Variants in CHN1 observed in about 807,000 individuals in gnomAD.
CHN1 encodes the protein N-chimaerin.
CHN1 carries 37 observed loss-of-function variants against 59.5 expected under a neutral mutation model. The ratio of observed to expected loss-of-function variants is 0.62; its 90% CI spans 0.48 to 0.82. CHN1 has a LOEUF of 0.82. Ranked by LOEUF, CHN1 falls within the 40% of genes least tolerant of loss-of-function variation. CHN1 has a pLI of 0.00. For synonymous variants in CHN1, 206 were observed against 200.4 expected (o/e 1.03, Z -0.24); for missense variants, 469 against 571.0 (o/e 0.82, Z 1.82).
chr2:174,829,305 G>A (rs1305098357), intron 7 of CHN1, among the ~76,000 whole-genome samples: 4 of 152,310 alleles, frequency 2.6e-5, no homozygotes, highest in South Asian at 4.1e-4. Flanking sequence ...AAAGGACAGG[G>A]TGGGAAAGGG....
chr2:174,828,380 T>C (rs548636667), intron 7 of CHN1, among the ~76,000 whole-genome samples: 3 of 152,224 alleles, frequency 2.0e-5, no homozygotes, highest in Non-Finnish European at 4.4e-5. Flanking sequence ...CGTGCGTCGT[T>C]ATGCTTTATC....
chr2:174,918,247 A>T (rs1176794316), intron 4 of CHN1, among the ~76,000 whole-genome samples: 1 of 152,192 alleles, frequency 6.6e-6, no homozygotes, highest in Non-Finnish European at 1.5e-5. Context: ...ATGTACACAA[A>T]AACACAAATA....
intron 3 of CHN1, among the ~76,000 whole-genome samples, chr2:174,940,862 T>C (rs546022620): frequency 6.6e-6 from 1 of 152,340 alleles, no homozygotes; most frequent in Admixed American, 6.5e-5. Context: ...TTTCTTCCAA[T>C]GGTTTTAACA....
intron 7 of CHN1, among the ~76,000 whole-genome samples, chr2:174,844,334 G>GGCTTTCACCTCAGTGAGT (rs1686426252): frequency 6.6e-6 from 1 of 152,086 alleles, no homozygotes; most frequent in Non-Finnish European, 1.5e-5. Flanking sequence ...TGGTTTATTT[G>GGCTTTCACCTCAGTGAGT]GCTTTCACCT....
chr2:174,846,869 A>T lies in CHN1; in HGVS notation c.627+11T>A. On this transcript the variant is annotated intron_variant, in intron 7 of 12. Coordinates refer to ENST00000409900, the MANE Select transcript of CHN1 (RefSeq NM_001822.7). ...TGCATTTCTTAAAAGACTAAAAGCA[A>T]ATATTCTTACCTTGAAATTGTGAAT... 6.5e-7 allele frequency: 1 copy of T among 1,544,906 alleles called. No individual in the cohort carries two copies. Among genetic ancestry groups the T allele is most frequent in the Non-Finnish European group, 8.7e-7 (1 of 1,143,110 alleles).
intron 5 of CHN1, among the ~76,000 whole-genome samples, chr2:174,888,731 G>C (rs1687962199): frequency 6.6e-6 from 1 of 152,188 alleles, no homozygotes; most frequent in Admixed American, 6.5e-5. Flanking sequence ...TCTGGGTGAT[G>C]GGGGAGAGCA....
intron 6 of CHN1, among the ~76,000 whole-genome samples, chr2:174,862,688 T>G (rs1393941527): frequency 1.3e-5 from 2 of 152,194 alleles, no homozygotes; most frequent in Admixed American, 6.5e-5. Flanking sequence ...GGCTTTTTGT[T>G]TGTTTTCATT....
intron 5 of CHN1, among the ~76,000 whole-genome samples, chr2:174,890,980 C>A (rs1247487727): frequency 1.2e-4 from 17 of 146,040 alleles, no homozygotes; most frequent in African/African-American, 3.0e-4. Context: ...ACTAAAAATA[C>A]AAAAAAAAAA....
chr2:174,933,065 T>C (rs993344098), intron 3 of CHN1, among the ~76,000 whole-genome samples: 5 of 152,100 alleles, frequency 3.3e-5, no homozygotes, highest in Non-Finnish European at 7.4e-5. Context: ...GCTGTGGTAA[T>C]AGAAGGTTGG....
At chr2:174,929,292 C>T (rs1445512491) in intron 3 of CHN1, among the ~76,000 whole-genome samples, 1 of 151,952 alleles carries the variant, frequency 6.6e-6, no homozygotes, top group Non-Finnish European at 1.5e-5. Flanking sequence ...TAATAACTTG[C>T]GAAGGCCAGA....
intron 1 of CHN1, among the ~76,000 whole-genome samples, chr2:174,971,282 C>A (rs1445056316): frequency 6.6e-6 from 1 of 152,176 alleles, no homozygotes; most frequent in Non-Finnish European, 1.5e-5. Flanking sequence ...CGTGCCACTG[C>A]ACTCCAGCCT....
At chr2:174,802,717 C>T (rs1391681987) in intron 11 of CHN1, among the ~76,000 whole-genome samples, 1 of 152,150 alleles carries the variant, frequency 6.6e-6, no homozygotes, top group Non-Finnish European at 1.5e-5. Context: ...CCTGCTTCTA[C>T]TCAAAGGTCA....
At chr2:174,824,878 G>A (rs934524810) in intron 7 of CHN1, among the ~76,000 whole-genome samples, 41 of 152,150 alleles carry the variant, frequency 2.7e-4, no homozygotes, top group African/African-American at 9.4e-4. Flanking sequence ...CCAAAGTGCT[G>A]GGATTACAGG....
At chr2:174,880,835 G>A (rs944184908) in intron 5 of CHN1, among the ~76,000 whole-genome samples, 3 of 152,092 alleles carry the variant, frequency 2.0e-5, no homozygotes, top group Non-Finnish European at 4.4e-5. Flanking sequence ...ATCACCTGAG[G>A]TCGGGAGTTT....
intron 6 of CHN1, among the ~76,000 whole-genome samples, chr2:174,857,113 C>T (rs1686924429): frequency 1.3e-5 from 2 of 152,150 alleles, no homozygotes; most frequent in Non-Finnish European, 2.9e-5. Context: ...AGCACACCTA[C>T]ACTGCAAACA....
At chr2:174,847,510 G>T (rs1686566435) in intron 6 of CHN1, 3 of 1,207,656 alleles carry the variant, frequency 2.5e-6, no homozygotes, top group Non-Finnish European at 3.1e-6. Context: ...CTCTATTCAA[G>T]ATATTAATGT....
chr2:174,885,858 T>C (rs1687879005), intron 5 of CHN1, among the ~76,000 whole-genome samples: 1 of 152,214 alleles, frequency 6.6e-6, no homozygotes, highest in African/African-American at 2.4e-5. Context: ...CAATACTAAA[T>C]ACTGTGTCCC....
At chr2:174,952,102 A>G in intron 2 of CHN1, 62 bp downstream of exon 2, 1 of 1,007,738 alleles carries the variant, frequency 9.9e-7, no homozygotes, top group Non-Finnish European at 1.4e-6. Context: ...TCTATCTAAT[A>G]ATCCCATATT....
chr2:174,914,889 T>TA (rs1688803271), intron 5 of CHN1, among the ~76,000 whole-genome samples, 169 bp downstream of exon 5: 1 of 151,750 alleles, frequency 6.6e-6, no homozygotes, highest in South Asian at 2.1e-4. Context: ...TACTGAGTGT[T>TA]ACCATTCACG....
Sources: gnomAD v4.1 joint callset for allele counts (sites outside exome capture counted in the v4.1 genomes callset) on GRCh38, gnomAD v4.1.1 for gene constraint, MANE v1.5 for transcripts, NCBI Gene and HGNC (gene_info 2026-07-23, HGNC 2026-07-21) for gene names.